The following GMDS variants were observed in gnomAD, a reference collection of about 807,000 sequenced individuals.
GMDS encodes the protein GDP-mannose 4,6 dehydratase.
GMDS carries 20 observed loss-of-function variants against 49.9 expected under a neutral mutation model. That is an observed-to-expected ratio of 0.40 (90% CI 0.28 to 0.58). The LOEUF is 0.58. Ranked by LOEUF, GMDS falls within the 20% of genes least tolerant of loss-of-function variation. GMDS has a pLI of 0.42. For synonymous variants in GMDS, 177 were observed against 178.6 expected (o/e 0.99, Z 0.07); for missense variants, 362 against 481.4 (o/e 0.75, Z 2.32).
chr6:1,865,189 T>C (rs962278434), intron 7 of GMDS, among the ~76,000 whole-genome samples: 14 of 152,240 alleles, frequency 9.2e-5, no homozygotes, highest in African/African-American at 3.4e-4. Flanking sequence ...TCAATTAAGT[T>C]TTCTTGAGAA....
chr6:1,819,774 A>ATAT (rs1554123170), intron 7 of GMDS, among the ~76,000 whole-genome samples: 38 of 123,776 alleles, frequency 3.1e-4, no homozygotes, highest in East Asian at 2.1e-3. Context: ...AAAAAAAAAA[A>ATAT]AAATATATAT....
chr6:1,676,209 G>C (rs1329041093), intron 9 of GMDS, among the ~76,000 whole-genome samples: 1 of 152,128 alleles, frequency 6.6e-6, no homozygotes, highest in Non-Finnish European at 1.5e-5. Flanking sequence ...AAAATACTTA[G>C]GAATCCAACT....
intron 4 of GMDS, among the ~76,000 whole-genome samples, chr6:2,109,701 A>G (rs947850932): frequency 6.6e-6 from 1 of 152,180 alleles, no homozygotes; most frequent in Non-Finnish European, 1.5e-5. Context: ...TTCTTGTGAG[A>G]ACATTCCTCT....
At chr6:1,709,761 A>C (rs1445377019) in intron 9 of GMDS, among the ~76,000 whole-genome samples, 1 of 152,230 alleles carries the variant, frequency 6.6e-6, no homozygotes, top group African/African-American at 2.4e-5. Flanking sequence ...TTGAGAATTA[A>C]TGCTGTAACT....
intron 7 of GMDS, among the ~76,000 whole-genome samples, chr6:1,812,237 G>A (rs1770462651): frequency 6.6e-6 from 1 of 152,148 alleles, no homozygotes. Flanking sequence ...TCCAGGCAGA[G>A]TAAACAGGAC....
intron 7 of GMDS, among the ~76,000 whole-genome samples, chr6:1,769,118 G>A (rs1049322748): frequency 3.9e-5 from 6 of 152,114 alleles, no homozygotes; most frequent in African/African-American, 1.2e-4. Context: ...GATGTAATTC[G>A]TTCCTAGAAA....
At chr6:2,075,501 C>T (rs939065476) in intron 4 of GMDS, among the ~76,000 whole-genome samples, 10 of 152,188 alleles carry the variant, frequency 6.6e-5, no homozygotes, top group East Asian at 1.9e-4. Context: ...AGTGAGAACA[C>T]GCGATGTTTG....
intron 4 of GMDS, among the ~76,000 whole-genome samples, chr6:2,043,900 C>A (rs77312686): frequency 6.6e-6 from 1 of 151,818 alleles, no homozygotes; most frequent in Non-Finnish European, 1.5e-5. Context: ...TAAAAGTGGG[C>A]AAAGGACATG....
intron 4 of GMDS, among the ~76,000 whole-genome samples, chr6:2,006,775 T>C (rs964233797): frequency 1.3e-5 from 2 of 152,058 alleles, no homozygotes; most frequent in Admixed American, 1.3e-4. Flanking sequence ...ACAAAATTAC[T>C]TCACAACATT....
At chr6:1,933,633 C>T (rs1181613200) in intron 6 of GMDS, among the ~76,000 whole-genome samples, 1 of 152,232 alleles carries the variant, frequency 6.6e-6, no homozygotes, top group Non-Finnish European at 1.5e-5. Context: ...GAAGCAACTA[C>T]CTTTTCATGT....
intron 1 of GMDS, among the ~76,000 whole-genome samples, chr6:2,138,072 A>G (rs1374370936): frequency 7.9e-5 from 12 of 152,222 alleles, no homozygotes; most frequent in Admixed American, 7.9e-4. Context: ...AATTCTTTGA[A>G]ACAGTCAAAT....
intron 7 of GMDS, among the ~76,000 whole-genome samples, chr6:1,928,291 G>C (rs1008259613): frequency 6.6e-6 from 1 of 151,952 alleles, no homozygotes; most frequent in Non-Finnish European, 1.5e-5. Flanking sequence ...CTTGAACCCG[G>C]GAGGCAGAGG....
At chr6:2,241,983 A>T (rs1781635726) in intron 1 of GMDS, among the ~76,000 whole-genome samples, 1 of 152,206 alleles carries the variant, frequency 6.6e-6, no homozygotes, top group African/African-American at 2.4e-5. Context: ...ACCCCACTAG[A>T]TGAAGGCATG....
chr6:1,959,078 G>T (rs1397901466), intron 6 of GMDS, among the ~76,000 whole-genome samples: 6 of 152,160 alleles, frequency 3.9e-5, no homozygotes, highest in African/African-American at 1.2e-4. Context: ...TAAATTAAGA[G>T]CTGACTTCAA....
intron 6 of GMDS, among the ~76,000 whole-genome samples, chr6:1,944,899 A>T (rs1763002597): frequency 6.6e-6 from 1 of 152,188 alleles, no homozygotes; most frequent in South Asian, 2.1e-4. Context: ...AGTTTCTGTT[A>T]TTCTCTTCTG....
chr6:1,703,469 A>AC (rs1050006388), intron 9 of GMDS, among the ~76,000 whole-genome samples: 7 of 146,600 alleles, frequency 4.8e-5, no homozygotes, highest in East Asian at 2.5e-4. Context: ...TTGCATTCAA[A>AC]AGAAAAAAAA....
intron 4 of GMDS, among the ~76,000 whole-genome samples, chr6:2,055,067 T>C (rs1417734336): frequency 6.6e-6 from 1 of 152,008 alleles, no homozygotes; most frequent in Non-Finnish European, 1.5e-5. Flanking sequence ...AAAATCGACA[T>C]TGTTAAGCAG....
chr6:2,182,930 GC>G (rs1312279849), intron 1 of GMDS, among the ~76,000 whole-genome samples: 1 of 152,082 alleles, frequency 6.6e-6, no homozygotes, highest in Non-Finnish European at 1.5e-5. Context: ...TTGGTCTCAA[GC>G]TCCTGGGCTC....
chr6:2,033,385 G>A (rs1047450481), intron 4 of GMDS, among the ~76,000 whole-genome samples: 28 of 152,038 alleles, frequency 1.8e-4, no homozygotes, highest in Non-Finnish European at 2.4e-4. Context: ...TGATTGGGAG[G>A]GTTCTCAATT....
Sources: gnomAD v4.1 joint callset for allele counts (sites outside exome capture counted in the v4.1 genomes callset) on GRCh38, gnomAD v4.1.1 for gene constraint, MANE v1.5 for transcripts, NCBI Gene and HGNC (gene_info 2026-07-23, HGNC 2026-07-21) for gene names.